CHLSN: variants seen among roughly 807,000 people sequenced by gnomAD.
The protein encoded by CHLSN is cholesin, also known as protein cholesin.
At chr7:1,000,317 G>C in the CHLSN span, among the ~76,000 whole-genome samples, 1 of 142,250 alleles carries the variant, frequency 7.0e-6, no homozygotes, top group African/African-American at 2.7e-5. Flanking sequence ...CAGCCCCCGG[G>C]AGACGTGCCT....
At chr7:1,091,877 C>T in the CHLSN span, 37 of 1,613,664 alleles carry the variant, frequency 2.3e-5, 1 homozygote, top group African/African-American at 2.7e-5. Flanking sequence ...GGTGAGCTCT[C>T]GGAGCACCAG....
chr7:1,070,751 G>A, the CHLSN span, among the ~76,000 whole-genome samples: 6 of 139,646 alleles, frequency 4.3e-5, no homozygotes, highest in South Asian at 2.3e-4. Context: ...TGCACACAAC[G>A]CACGCAGACA....
At chr7:1,075,167 G>A in the CHLSN span, among the ~76,000 whole-genome samples, 3 of 152,284 alleles carry the variant, frequency 2.0e-5, no homozygotes, top group Admixed American at 2.0e-4. Context: ...AACACGGGAG[G>A]GGTGTGGTTC....
chr7:1,128,504 G>A, the CHLSN span, among the ~76,000 whole-genome samples: 6 of 15,842 alleles, frequency 3.8e-4, no homozygotes, highest in Admixed American at 5.9e-4. Context: ...TCATCTCACC[G>A]TCACCCGGGC....
the CHLSN span, among the ~76,000 whole-genome samples, chr7:1,090,997 T>C: frequency 6.6e-6 from 1 of 152,130 alleles, no homozygotes; most frequent in Non-Finnish European, 1.5e-5. Context: ...AACACTGGCT[T>C]TCCCTTCCTA....
chr7:1,083,041 C>G, the CHLSN span, among the ~76,000 whole-genome samples: 1 of 152,238 alleles, frequency 6.6e-6, no homozygotes, highest in South Asian at 2.1e-4. Flanking sequence ...GATATTCCGC[C>G]ATGTGCTCCT....
chr7:989,998 G>A, the CHLSN span, among the ~76,000 whole-genome samples: 2 of 71,924 alleles, frequency 2.8e-5, no homozygotes, highest in East Asian at 4.8e-4. Context: ...CGGTGTGGTC[G>A]GCAGTGTGAG....
At chr7:1,107,895 C>T in the CHLSN span, among the ~76,000 whole-genome samples, 14 of 146,048 alleles carry the variant, frequency 9.6e-5, no homozygotes, top group Non-Finnish European at 1.9e-4. Flanking sequence ...ACCCGCACCC[C>T]GGGAGGAAGC....
the CHLSN span, among the ~76,000 whole-genome samples, chr7:1,124,602 T>C: frequency 4.2e-5 from 6 of 143,368 alleles, no homozygotes; most frequent in African/African-American, 1.6e-4. Context: ...TTGGGAGATA[T>C]ACCTAATGCT....
chr7:1,091,475 G>A, the CHLSN span: 15 of 466,678 alleles, frequency 3.2e-5, no homozygotes, highest in Admixed American at 7.8e-5. Context: ...GACGCCCGCC[G>A]GACGAGCACG....
At chr7:1,122,288 G>A in the CHLSN span, among the ~76,000 whole-genome samples, 4 of 152,226 alleles carry the variant, frequency 2.6e-5, no homozygotes, top group Non-Finnish European at 5.9e-5. Flanking sequence ...GAGGAAGCCA[G>A]GGGGGTTCTG....
the CHLSN span, among the ~76,000 whole-genome samples, chr7:1,117,077 C>G: frequency 8.5e-6 from 1 of 117,536 alleles, no homozygotes; most frequent in Admixed American, 7.9e-5. Flanking sequence ...ATGATGACAT[C>G]ACTACAGCTC....
the CHLSN span, among the ~76,000 whole-genome samples, chr7:1,129,514 C>T: frequency 6.6e-6 from 1 of 152,148 alleles, no homozygotes; most frequent in African/African-American, 2.4e-5. Flanking sequence ...GGCACAATCT[C>T]GGCTCACTGC....
chr7:991,432 A>G, the CHLSN span, among the ~76,000 whole-genome samples: 3 of 148,584 alleles, frequency 2.0e-5, no homozygotes, highest in Non-Finnish European at 4.4e-5. Context: ...CAGGTATCAA[A>G]TCTCCTTTAA....
At chr7:1,041,612 T>A in the CHLSN span, among the ~76,000 whole-genome samples, 2 of 151,976 alleles carry the variant, frequency 1.3e-5, no homozygotes, top group Middle Eastern at 3.2e-3. Context: ...AACGTCAGGG[T>A]GCGCCTTATA....
chr7:1,030,025 G>A, the CHLSN span, among the ~76,000 whole-genome samples: 1 of 152,174 alleles, frequency 6.6e-6, no homozygotes, highest in East Asian at 1.9e-4. Context: ...TCCGCACCCC[G>A]CTTTCAGAGA....
At chr7:1,096,852 C>G in the CHLSN span, among the ~76,000 whole-genome samples, 1 of 152,206 alleles carries the variant, frequency 6.6e-6, no homozygotes, top group African/African-American at 2.4e-5. This position sits in a 1 kb window ranked among gnomAD's most constrained non-coding sequence, Gnocchi z 4.6. Flanking sequence ...AATGCTCACG[C>G]GCCCACTCAC....
the CHLSN span, chr7:1,093,213 C>T: frequency 2.0e-6 from 1 of 503,556 alleles, no homozygotes; most frequent in Non-Finnish European, 4.0e-6. Context: ...CCAGGAAAGC[C>T]ACACGGAGAG....
the CHLSN span, among the ~76,000 whole-genome samples, chr7:1,084,960 G>A: frequency 1.3e-5 from 2 of 152,218 alleles, no homozygotes; most frequent in African/African-American, 4.8e-5. Flanking sequence ...TGCTCAGTCA[G>A]TCAGTGCTGG....
Sources: allele counts gnomAD v4.1 joint callset (sites outside exome capture counted in the v4.1 genomes callset), GRCh38; gene constraint gnomAD v4.1.1; non-coding constraint Gnocchi (gnomAD v3.1); transcripts MANE v1.5; gene names NCBI Gene and HGNC (gene_info 2026-07-23, HGNC 2026-07-21).